The following CD200R1 variants were observed in gnomAD, a reference collection of about 807,000 sequenced individuals.
The protein encoded by CD200R1 is cell surface glycoprotein CD200 receptor 1.
A neutral mutation model predicts 38.1 loss-of-function variants in CD200R1; 30 were observed. That is an observed-to-expected ratio of 0.79 (90% CI 0.59 to 1.07). CD200R1 has a LOEUF of 1.07. Among genes scored for constraint, CD200R1 ranks in the 50% least tolerant of loss-of-function variants. CD200R1 has a pLI of 0.00. For synonymous variants in CD200R1, 128 were observed against 152.1 expected (o/e 0.84, Z 1.16); for missense variants, 372 against 415.4 (o/e 0.90, Z 0.91).
At chr3:112,966,987 G>A (rs1933181276) in intron 1 of CD200R1, among the ~76,000 whole-genome samples, 1 of 152,122 alleles carries the variant, frequency 6.6e-6, no homozygotes, top group African/African-American at 2.4e-5. Context: ...TCTTTTCAGT[G>A]CTGGTGTTCC....
At chr3:112,942,662 A>G (rs1409700668) in intron 2 of CD200R1, among the ~76,000 whole-genome samples, 1 of 151,748 alleles carries the variant, frequency 6.6e-6, no homozygotes, top group East Asian at 1.9e-4. Context: ...TGCACCAAAT[A>G]AAAGACGGAG....
intron 1 of CD200R1, among the ~76,000 whole-genome samples, chr3:112,968,905 A>C (rs766332796): frequency 3.9e-5 from 6 of 152,198 alleles, no homozygotes; most frequent in Non-Finnish European, 8.8e-5. Context: ...CAACATTCAA[A>C]ACCCAAATAA....
At chr3:112,955,932 G>A (rs79023639) in intron 1 of CD200R1, among the ~76,000 whole-genome samples, 1,583 of 151,802 alleles carry the variant, frequency 0.01, 36 homozygotes, top group African/African-American at 0.036. Context: ...CTGCCTTCAG[G>A]ATCCTCTCTC....
chr3:112,943,605 CA>C (rs1427081615), intron 2 of CD200R1, among the ~76,000 whole-genome samples: 1 of 151,008 alleles, frequency 6.6e-6, no homozygotes, highest in Non-Finnish European at 1.5e-5. Context: ...CCAAATTAAG[CA>C]GAAGAAAATA....
chr3:112,948,640 C>G (rs11711794), intron 1 of CD200R1, among the ~76,000 whole-genome samples: 39,459 of 152,112 alleles, frequency 0.26, 6,230 homozygotes, highest in Non-Finnish European at 0.36. Context: ...GCCGCTCACC[C>G]CCTGCTGTGC....
intron 6 of CD200R1, 42 bp downstream of exon 6, chr3:112,925,043 C>A: frequency 8.6e-7 from 1 of 1,161,364 alleles, no homozygotes; most frequent in South Asian, 1.3e-5. Flanking sequence ...CTTTTCTAGC[C>A]TAATAAAGCT....
intron 1 of CD200R1, among the ~76,000 whole-genome samples, chr3:112,961,301 A>T (rs999129072): frequency 1.3e-5 from 2 of 152,114 alleles, no homozygotes; most frequent in Admixed American, 1.3e-4. Flanking sequence ...ATTGATAAAT[A>T]CTATTATAAG....
intron 5 of CD200R1, 37 bp downstream of exon 5, chr3:112,928,779 G>T: frequency 6.7e-7 from 1 of 1,503,716 alleles, no homozygotes; most frequent in African/African-American, 1.4e-5. Context: ...TAAAAGAATG[G>T]AAAAAAATAA....
intron 1 of CD200R1, among the ~76,000 whole-genome samples, chr3:112,957,995 G>A (rs972478631): frequency 1.3e-5 from 2 of 152,128 alleles, no homozygotes; most frequent in East Asian, 3.9e-4. Flanking sequence ...ATAAATCCTG[G>A]CAAGAATGTG....
intron 1 of CD200R1, 57 bp from the exon 2 acceptor site, chr3:112,947,981 A>G: frequency 9.8e-7 from 1 of 1,021,108 alleles, no homozygotes; most frequent in Non-Finnish European, 1.6e-6. Flanking sequence ...AATAGATCTG[A>G]CTCCTAGTTA....
intron 1 of CD200R1, among the ~76,000 whole-genome samples, chr3:112,972,527 A>G (rs1357859555): frequency 6.7e-6 from 1 of 148,734 alleles, no homozygotes; most frequent in Non-Finnish European, 1.5e-5. Context: ...ACACACAAAA[A>G]TCTAGAAGAC....
intron 2 of CD200R1, among the ~76,000 whole-genome samples, 177 bp downstream of exon 2, chr3:112,947,679 A>G (rs1559951715): frequency 6.6e-6 from 1 of 152,244 alleles, no homozygotes; most frequent in Admixed American, 6.5e-5. Flanking sequence ...TTCTTAAAAT[A>G]GGTACTAAAT....
intron 1 of CD200R1, among the ~76,000 whole-genome samples, chr3:112,973,895 T>A (rs978325201): frequency 6.6e-6 from 1 of 152,178 alleles, no homozygotes; most frequent in Admixed American, 6.6e-5. Flanking sequence ...GCCCAAGTTC[T>A]CTATAACTTC....
chr3:112,951,808 A>G (rs1940974220), intron 1 of CD200R1, among the ~76,000 whole-genome samples: 1 of 151,520 alleles, frequency 6.6e-6, no homozygotes, highest in African/African-American at 2.4e-5. Flanking sequence ...CCTAGGAAAA[A>G]AAGGTAATAA....
intron 2 of CD200R1, among the ~76,000 whole-genome samples, 197 bp from the exon 3 acceptor site, chr3:112,931,368 TTATA>T (rs1419415531): frequency 1.0e-5 from 1 of 96,976 alleles, no homozygotes; most frequent in African/African-American, 4.8e-5. Context: ...ATCCTGAAAA[TTATA>T]CTTAAGTAAT....
At chr3:112,942,742 A>T (rs569653650) in intron 2 of CD200R1, among the ~76,000 whole-genome samples, 1 of 148,916 alleles carries the variant, frequency 6.7e-6, no homozygotes, top group African/African-American at 2.5e-5. Flanking sequence ...ATCTAAAGAG[A>T]TATATATATA....
Position 112,975,055 on chromosome 3 carries a change from G to T in CD200R1, c.-198C>A. The stretch of plus-strand genomic sequence containing the variant: ...GTTTAGCCTGGTTAGTAACTTGGAC[G>T]AACAGAAGCTTTTCTCTGGAACTTG... On this transcript the variant is annotated 5_prime_UTR_variant, in exon 1 of 8. Transcript: ENST00000308611. 2 of 555,168 alleles carry T rather than the reference G, an allele frequency of 3.6e-6. No individual in the cohort carries two copies. Among genetic ancestry groups the T allele is most frequent in the East Asian group, 2.8e-5 (1 of 35,704 alleles). 34.4% of individuals were successfully genotyped at this position (555,168 alleles called of 1,614,324 possible). A position where few individuals can be genotyped will look rare whatever the true frequency, so the allele number is the denominator to read the frequency against.
intron 1 of CD200R1, among the ~76,000 whole-genome samples, chr3:112,972,799 C>T (rs1024763626): frequency 1.3e-5 from 2 of 152,148 alleles, no homozygotes; most frequent in African/African-American, 4.8e-5. Flanking sequence ...TCCCTTGTTC[C>T]TTTGTGAATT....
intron 1 of CD200R1, among the ~76,000 whole-genome samples, chr3:112,966,499 G>A (rs1933166055): frequency 6.6e-6 from 1 of 151,998 alleles, no homozygotes; most frequent in Admixed American, 6.6e-5. Context: ...TTACCATTTG[G>A]ACATTTTTTT....
Sources: allele counts gnomAD v4.1 joint callset (sites outside exome capture counted in the v4.1 genomes callset), GRCh38; gene constraint gnomAD v4.1.1; transcripts MANE v1.5; gene names NCBI Gene and HGNC (gene_info 2026-07-23, HGNC 2026-07-21).